The following SHLD1 variants were observed in gnomAD, a reference collection of about 807,000 sequenced individuals.
SHLD1 encodes shieldin complex subunit 1.
SHLD1 carries 3 observed loss-of-function variants against 5.5 expected under a neutral mutation model. The observed-to-expected ratio is 0.54, with a 90% CI of 0.25 to 1.40. The LOEUF is 1.40. SHLD1 is among the 40% of genes most tolerant of loss of function. The pLI is 0.15. For synonymous variants in SHLD1, 92 were observed against 94.3 expected (o/e 0.98, Z 0.14); for missense variants, 210 against 244.4 (o/e 0.86, Z 0.94).
intron 2 of SHLD1, among the ~76,000 whole-genome samples, chr20:5,805,183 G>A (rs2087354975): frequency 6.6e-6 from 1 of 152,156 alleles, no homozygotes; most frequent in East Asian, 1.9e-4. Context: ...TTGAGATGGA[G>A]TTTCGCTCTT....
chr20:5,829,669 T>C (rs1176200022), intron 2 of SHLD1, among the ~76,000 whole-genome samples: 1 of 152,182 alleles, frequency 6.6e-6, no homozygotes, highest in Admixed American at 6.5e-5. Flanking sequence ...AGTTTGGGGG[T>C]TTGCATAGAA....
In SHLD1 at chr20:5,778,617, A is replaced by T. The variant is rs56183564; in HGVS notation, c.178+5574A>T. ...GCAAGACCTTGTCAAAAAAAAAAAA[A>T]AAAATAAGGACCAGATCACCCAGAG... On this transcript the variant is annotated intron_variant, in intron 2 of 2. Transcript: ENST00000303142. Among the ~76,000 whole-genome samples, 1,347 of 151,888 alleles carry T rather than the reference A, an allele frequency of 8.9e-3. 5 individuals carry two copies. The highest frequency in any genetic ancestry group is 0.013 in the Non-Finnish European group (865 of 67,940).
At chr20:5,772,807 G>A (rs1246207647) in intron 1 of SHLD1, 55 bp from the exon 2 acceptor site, 1 of 1,439,344 alleles carries the variant, frequency 6.9e-7, no homozygotes, top group African/African-American at 1.4e-5. Flanking sequence ...CTCCAATGAA[G>A]GATCCTGCTA....
chr20:5,793,722 T>C (rs1346759030), intron 2 of SHLD1, among the ~76,000 whole-genome samples: 6 of 152,208 alleles, frequency 3.9e-5, no homozygotes, highest in African/African-American at 1.2e-4. Context: ...CCTTTCTCTC[T>C]GGTATTTTTT....
At chr20:5,767,147 C>CTTTTT (rs1256690438) in intron 1 of SHLD1, among the ~76,000 whole-genome samples, 1 of 134,386 alleles carries the variant, frequency 7.4e-6, no homozygotes, top group Non-Finnish European at 1.6e-5. Context: ...CTTTTCTTTT[C>CTTTTT]TTTTTGAGAC....
intron 1 of SHLD1, among the ~76,000 whole-genome samples, chr20:5,752,472 T>C (rs1455374061): frequency 6.6e-6 from 1 of 152,066 alleles, no homozygotes; most frequent in Non-Finnish European, 1.5e-5. Flanking sequence ...GAATTAATCT[T>C]TCCTGGATCT....
At chr20:5,780,824 T>C (rs1030501610) in intron 2 of SHLD1, among the ~76,000 whole-genome samples, 3 of 152,194 alleles carry the variant, frequency 2.0e-5, no homozygotes, top group South Asian at 2.1e-4. Flanking sequence ...AGCCTGCCCT[T>C]ACTCAGATGC....
chr20:5,773,941 C>T (rs1985306465), intron 2 of SHLD1, among the ~76,000 whole-genome samples: 1 of 152,170 alleles, frequency 6.6e-6, no homozygotes, highest in Non-Finnish European at 1.5e-5. Flanking sequence ...TGGTAGCTCA[C>T]ACCTGTAATC....
intron 2 of SHLD1, among the ~76,000 whole-genome samples, chr20:5,844,785 A>ATT (rs1451016272): frequency 2.1e-4 from 22 of 102,402 alleles, no homozygotes; most frequent in South Asian, 9.0e-4. Context: ...ATATATATAT[A>ATT]TATATATATA....
intron 2 of SHLD1, among the ~76,000 whole-genome samples, chr20:5,850,541 T>A (rs1229175044): frequency 1.3e-5 from 2 of 150,792 alleles, no homozygotes; most frequent in Non-Finnish European, 3.0e-5. Context: ...GATGGAGTCT[T>A]GCTCTGTCGC....
intron 2 of SHLD1, among the ~76,000 whole-genome samples, chr20:5,801,071 C>CT (rs67798135): frequency 2.7e-4 from 33 of 121,972 alleles, no homozygotes; most frequent in Non-Finnish European, 3.4e-4. Flanking sequence ...CAGCCACCAT[C>CT]TTTTTTTTTT....
At chr20:5,830,821 T>C (rs1229656586) in intron 2 of SHLD1, among the ~76,000 whole-genome samples, 1 of 152,154 alleles carries the variant, frequency 6.6e-6, no homozygotes. Flanking sequence ...GTGCTGATTA[T>C]ACTGGGTATA....
intron 1 of SHLD1, among the ~76,000 whole-genome samples, chr20:5,752,114 G>C (rs1983785607): frequency 6.6e-6 from 1 of 152,116 alleles, no homozygotes; most frequent in Non-Finnish European, 1.5e-5. Context: ...ACTAGAGATG[G>C]GCTGGGCTCC....
intron 1 of SHLD1, among the ~76,000 whole-genome samples, chr20:5,753,444 C>T (rs956125392): frequency 1.3e-5 from 2 of 152,052 alleles, no homozygotes; most frequent in Non-Finnish European, 2.9e-5. Context: ...AGGCAGTTAG[C>T]GAGGGTTAGG....
intron 2 of SHLD1, among the ~76,000 whole-genome samples, chr20:5,845,710 T>C (rs1211106372): frequency 6.6e-6 from 1 of 152,178 alleles, no homozygotes; most frequent in African/African-American, 2.4e-5. Flanking sequence ...ACCTACATTA[T>C]TTACAGATTT....
At chr20:5,770,307 T>A (rs541955274) in intron 1 of SHLD1, among the ~76,000 whole-genome samples, 1 of 152,352 alleles carries the variant, frequency 6.6e-6, no homozygotes, top group Admixed American at 6.5e-5. Flanking sequence ...CATCTGAGGA[T>A]CATATGCCAT....
rs1009499902 is a variant in SHLD1 at position 5,864,117 on chromosome 20, C to T, written c.*654C>T. The stretch of plus-strand genomic sequence containing the variant: ...TACAGTTGAGAAAAGTATATCACAT[C>T]TTGATCACACCCTTGCCTCCTCTCC... On this transcript the variant is annotated 3_prime_UTR_variant, in exon 3 of 3. Transcript: ENST00000303142. 2.6e-5 allele frequency among the ~76,000 whole-genome samples: 4 copies of T among 152,126 alleles called. No homozygotes were observed. Among genetic ancestry groups the T allele is most frequent in the African/African-American group, 9.7e-5 (4 of 41,418 alleles).
At chr20:5,784,443 A>G (rs1047239105) in intron 2 of SHLD1, among the ~76,000 whole-genome samples, 4 of 151,622 alleles carry the variant, frequency 2.6e-5, no homozygotes, top group African/African-American at 9.7e-5. Context: ...TTATTTATTT[A>G]TTTTTAATTT....
In SHLD1 at chr20:5,795,537, T is replaced by C. The variant is rs540882750; in HGVS notation, c.178+22494T>C. ...TTGCTTGAACCCGGGAGGCAGAGGTTGCAGTGAGCTGAGATCATGCCACTG... is the reference window on the plus strand; with the variant it reads ...TTGCTTGAACCCGGGAGGCAGAGGTCGCAGTGAGCTGAGATCATGCCACTG... On this transcript the variant is annotated intron_variant, in intron 2 of 2. Transcript: ENST00000303142. Among the ~76,000 whole-genome samples the C allele has an allele frequency of 9.2e-5, 13 of 141,128 alleles. No homozygotes were observed. The South Asian group carries it at 2.9e-3, about 31-fold the overall frequency. The allele number at this position is 141,128 out of a possible 152,430, so 92.6% of individuals were successfully genotyped here. A position where few individuals can be genotyped will look rare whatever the true frequency, so the allele number is the denominator to read the frequency against.
Sources: allele counts gnomAD v4.1 joint callset (sites outside exome capture counted in the v4.1 genomes callset), GRCh38; gene constraint gnomAD v4.1.1; transcripts MANE v1.5; gene names NCBI Gene and HGNC (gene_info 2026-07-23, HGNC 2026-07-21).